CNOT1: variants seen among roughly 807,000 people sequenced by gnomAD.
CNOT1 encodes the protein CCR4-associated factor 1.
A neutral mutation model predicts 273.8 loss-of-function variants in CNOT1; 15 were observed. That is an observed-to-expected ratio of 0.05 (90% CI 0.04 to 0.08). The LOEUF (loss-of-function observed/expected upper bound fraction) is 0.08. Ranked by LOEUF, CNOT1 falls within the 10% of genes least tolerant of loss-of-function variation. CNOT1 has a pLI of 1.00. For missense variants in CNOT1, 1,644 were observed against 2,912.2 expected, an observed-to-expected ratio of 0.56 and a Z score of 10.02; for synonymous variants, 1,022 against 1,005.5, an observed-to-expected ratio of 1.02 and a Z score of -0.31.
At chr16:58,591,357 C>T (rs2042045716) in intron 2 of CNOT1, among the ~76,000 whole-genome samples, 2 of 152,146 alleles carry the variant, frequency 1.3e-5, no homozygotes, top group African/African-American at 4.8e-5. Context: ...ACTAAAATCC[C>T]GTTATCCTTA....
At chr16:58,528,411 A>G (rs529026281) in intron 44 of CNOT1, 64 bp downstream of exon 44, 135 of 1,158,008 alleles carry the variant, frequency 1.2e-4, no homozygotes, top group Non-Finnish European at 1.6e-4. Context: ...TGAACAGTCT[A>G]CTTATCAGAG....
chr16:58,573,608 G>A (rs1226779145), intron 16 of CNOT1, among the ~76,000 whole-genome samples: 3 of 150,282 alleles, frequency 2.0e-5, no homozygotes, highest in Non-Finnish European at 4.4e-5. Flanking sequence ...AGCCTCCCAA[G>A]TAGCTGGGAC....
At chr16:58,558,394 C>A in intron 18 of CNOT1, 79 bp downstream of exon 18, 1 of 1,585,038 alleles carries the variant, frequency 6.3e-7, no homozygotes, top group Non-Finnish European at 8.6e-7. Context: ...CACAGTGACT[C>A]CAAACCCCTT....
chr16:58,553,766 T>C lies in CNOT1; in HGVS notation c.2970+16A>G, dbSNP rs1407226995. 1 of 1,605,584 alleles carries C rather than the reference T, an allele frequency of 6.2e-7. No individual in the cohort carries two copies. Among genetic ancestry groups the C allele is most frequent in the African/African-American group, 1.3e-5 (1 of 74,182 alleles). On this transcript the variant is annotated intron_variant, in intron 22 of 48. Coordinates refer to ENST00000317147, the MANE Select transcript of CNOT1 (RefSeq NM_016284.5). ...ACTACATAGCTATTTGGGTTTTAGT[T>C]ACAGAGGGCACTTACCTCCTGTAAA...
intron 39 of CNOT1, among the ~76,000 whole-genome samples, chr16:58,536,772 A>G (rs1289672280): frequency 6.6e-6 from 1 of 152,174 alleles, no homozygotes; most frequent in Non-Finnish European, 1.5e-5. Context: ...AATGGAATAT[A>G]CAGAACCAAC....
At chr16:58,580,861 T>C (rs758195341) in intron 11 of CNOT1, 101 bp from the exon 12 acceptor site, 10 of 1,149,404 alleles carry the variant, frequency 8.7e-6, no homozygotes, top group Non-Finnish European at 1.1e-5. Flanking sequence ...GTTATTAGCA[T>C]GGCAATTTCC....
chr16:58,543,996 A>T, intron 30 of CNOT1, 93 bp from the exon 31 acceptor site: 1 of 1,465,900 alleles, frequency 6.8e-7, no homozygotes, highest in Admixed American at 2.7e-5. Context: ...GTAAATCAAG[A>T]TTAACCAAAA....
chr16:58,574,927 CA>C, intron 15 of CNOT1, 79 bp downstream of exon 15: 1 of 1,576,238 alleles, frequency 6.3e-7, no homozygotes, highest in Non-Finnish European at 8.6e-7. Flanking sequence ...TACTGCTGCA[CA>C]AATTTTAAAA....
At position 58,551,599 on chromosome 16, in the gene CNOT1, T is replaced by C; in HGVS notation, c.3191A>G (p.Lys1064Arg). The change falls in exon 23 of 49, where the codon AAA (lysine) becomes AGA (arginine). Residue 1064 changes from lysine to arginine, a missense_variant. Around this residue, in one of 13 missense-constraint regions of CNOT1, gnomAD observed 124 missense variants for 289.3 expected, o/e 0.43. Transcript: ENST00000317147. Reference protein sequence around the residue: ...VTRPTGVSFKKDVPPSINTTN... With the variant: ...VTRPTGVSFKRDVPPSINTTN... ...GATAGATCTACTTACTGGCACATCT[T>C]TCTTAAAGCTGACTCCAGTTGGCCT... 1 of 1,613,992 alleles carries C rather than the reference T, an allele frequency of 6.2e-7. No individual in the cohort carries two copies. Among genetic ancestry groups the C allele is most frequent in the Non-Finnish European group, 8.5e-7 (1 of 1,179,838 alleles).
Position 58,580,663 on chromosome 16 carries a change from G to T in CNOT1, c.1313C>A (p.Pro438Gln). ...TVATDILKAPPEDDNREIATW... is the reference protein window; with the variant it reads ...TVATDILKAPQEDDNREIATW... ...GGCAATTTCTCGATTGTCATCCTCT[G>T]GTGGTGCTTTCAGAATATCAGTGGC... Residue 438 changes from proline (P) to glutamine (Q), a missense_variant, in exon 12 of 49, where the codon CCA becomes CAA. Around this residue, in one of 13 missense-constraint regions of CNOT1, gnomAD observed 706 missense variants for 1,021.2 expected, o/e 0.69. Coordinates refer to ENST00000317147, the MANE Select transcript of CNOT1 (RefSeq NM_016284.5). 1 of 1,613,036 alleles carries T rather than the reference G, an allele frequency of 6.2e-7. No homozygotes were observed. Among genetic ancestry groups the T allele is most frequent in the Non-Finnish European group, 8.5e-7 (1 of 1,179,576 alleles).
At position 58,547,824 on chromosome 16, in the gene CNOT1, T is replaced by A; in HGVS notation, c.3523-142A>T. The A allele has an allele frequency of 1.4e-6, 1 of 708,172 alleles. No homozygotes were observed. Among genetic ancestry groups the A allele is most frequent in the Non-Finnish European group, 2.2e-6 (1 of 453,856 alleles). 43.9% of individuals were successfully genotyped at this position (708,172 alleles called of 1,614,324 possible). On this transcript the variant is annotated intron_variant, in intron 25 of 48. Coordinates refer to ENST00000317147, the MANE Select transcript of CNOT1 (RefSeq NM_016284.5). This position sits in a 1 kb window ranked among gnomAD's most constrained non-coding sequence, Gnocchi z 4.0. ...GGCCCCAAAGTAGAATTACTCTGTA[T>A]ATCATTCTCAATATCATTTTGCTGT...
At chr16:58,607,734 AAAAAGAAAG>A (rs1320099994) in intron 1 of CNOT1, among the ~76,000 whole-genome samples, 26 of 143,112 alleles carry the variant, frequency 1.8e-4, no homozygotes, top group South Asian at 2.1e-4. Flanking sequence ...AAAAAAAAAA[AAAAAGAAAG>A]AAAGAAAGAA....
chr16:58,620,457 A>G (rs534237536), intron 1 of CNOT1, among the ~76,000 whole-genome samples: 4 of 152,048 alleles, frequency 2.6e-5, no homozygotes, highest in Non-Finnish European at 4.4e-5. Context: ...CCTGGCCAAC[A>G]TGAGGAAACC....
intron 2 of CNOT1, among the ~76,000 whole-genome samples, chr16:58,589,784 C>G (rs2041994203): frequency 6.6e-6 from 1 of 152,156 alleles, no homozygotes; most frequent in Non-Finnish European, 1.5e-5. Flanking sequence ...AGATGCTGCC[C>G]TTGAGCTCAG....
At position 58,607,154 on chromosome 16, in the gene CNOT1, T is replaced by C. The variant is rs116526380; in HGVS notation, c.-174-7643A>G. 3.3e-3 allele frequency among the ~76,000 whole-genome samples: 498 copies of C among 152,232 alleles called. 3 individuals are homozygous for C. The highest frequency in any genetic ancestry group is 0.011 in the African/African-American group (467 of 41,542). ...AAGGTCTCGATCAATAGCAGTTACA[T>C]AGGAGCTTTCACTTAAAATCCCACT... On this transcript the variant is annotated intron_variant, in intron 1 of 48. Coordinates refer to ENST00000317147, the MANE Select transcript of CNOT1 (RefSeq NM_016284.5).
chr16:58,528,733 C>G (rs529697101), intron 43 of CNOT1, 85 bp from the exon 44 acceptor site: 2 of 871,820 alleles, frequency 2.3e-6, no homozygotes, highest in Admixed American at 5.4e-5. Flanking sequence ...CCCCCACCCC[C>G]CTCAAAAGAA....
intron 22 of CNOT1, 97 bp from the exon 23 acceptor site, chr16:58,551,916 C>T: frequency 1.3e-6 from 2 of 1,500,140 alleles, no homozygotes; most frequent in South Asian, 1.2e-5. Context: ...TGTCTGAGTG[C>T]TCTTTTGGTT....
chr16:58,521,388 T>C, intron 47 of CNOT1, 71 bp from the exon 48 acceptor site: 1 of 1,468,468 alleles, frequency 6.8e-7, no homozygotes, highest in South Asian at 1.3e-5. Context: ...TCCATTACTT[T>C]TTTTCTAACT....
intron 6 of CNOT1, 133 bp from the exon 7 acceptor site, chr16:58,586,881 G>A: frequency 5.5e-6 from 6 of 1,083,482 alleles, no homozygotes; most frequent in Non-Finnish European, 7.9e-6. Context: ...GCTTTCTCTA[G>A]CTGACAGGTA....
Sources: gnomAD v4.1 joint callset for allele counts (sites outside exome capture counted in the v4.1 genomes callset) on GRCh38, gnomAD v4.1.1 for gene constraint, gnomAD v4.1.1 regional missense constraint, Gnocchi (gnomAD v3.1) non-coding constraint, MANE v1.5 for transcripts, NCBI Gene and HGNC (gene_info 2026-07-23, HGNC 2026-07-21) for gene names.